The following MAP6 variants were observed in gnomAD, a reference collection of about 807,000 sequenced individuals.
MAP6 encodes the protein microtubule associated protein 6.
Under a neutral mutation model 42.4 loss-of-function variants are expected in MAP6, and 26 were observed. That is an observed-to-expected ratio of 0.61 (90% CI 0.45 to 0.85). MAP6 has a LOEUF of 0.85. MAP6 is among the 40% of genes least tolerant of loss of function. The pLI is 0.00. For missense variants in MAP6, 966 were observed against 1,099.0 expected (o/e 0.88, Z 1.71); for synonymous variants, 418 against 443.8 (o/e 0.94, Z 0.73).
At position 75,667,953 on chromosome 11, in the gene MAP6, C is replaced by T. The variant is rs1357930558; in HGVS notation, c.417G>A (p.Pro139=). 8 of 1,337,496 alleles carry T rather than the reference C, an allele frequency of 6.0e-6. No homozygotes were observed. The Middle Eastern group carries it at 5.8e-4, about 96-fold the overall frequency. 82.9% of individuals were successfully genotyped at this position (1,337,496 alleles called of 1,614,324 possible). A position where few individuals can be genotyped will look rare whatever the true frequency, so the allele number is the denominator to read the frequency against. The part of the protein sequence containing the change: ...KVQRPEPSCR[P]RSEYQPSDAP... ...CGTCGGAGGGCTGGTATTCGCTGCGCGGCCGGCAGCTGGGCTCGGGCCGCT... is the reference window on the plus strand; with the variant it reads ...CGTCGGAGGGCTGGTATTCGCTGCGTGGCCGGCAGCTGGGCTCGGGCCGCT... The change falls in exon 1 of 4, where the codon CCG becomes CCA. Residue 139 remains proline, a synonymous_variant. Transcript: ENST00000304771. This position sits in a 1 kb window ranked among gnomAD's most constrained non-coding sequence, Gnocchi z 5.6.
intron 1 of MAP6, among the ~76,000 whole-genome samples, chr11:75,612,055 G>T (rs1006766042): frequency 2.0e-5 from 3 of 152,258 alleles, no homozygotes; most frequent in African/African-American, 4.8e-5. Context: ...ATGCTGTAGA[G>T]GACTTACATG....
intron 1 of MAP6, among the ~76,000 whole-genome samples, chr11:75,654,254 A>G (rs1943698330): frequency 6.6e-6 from 1 of 152,216 alleles, no homozygotes; most frequent in African/African-American, 2.4e-5. Context: ...ACATCAGAGG[A>G]AAGCAGGAAT....
In MAP6 at chr11:75,608,147, G is replaced by A. The variant is rs148736062; in HGVS notation, c.1081C>T (p.Arg361Cys). ...DNKVIDRRRIRSLYSEPFKEP... is the reference protein window; with the variant it reads ...DNKVIDRRRICSLYSEPFKEP... ...TTGAAGGGTTCGCTGTAGAGGCTGC[G>A]TATTCTTCTGCGATCAATGACCTTA... is the stretch of plus-strand genomic sequence containing the variant. The change falls in exon 2 of 4, where the codon CGC becomes TGC. Residue 361 changes from arginine to cysteine, a missense_variant. Around this residue, in one of 2 missense-constraint regions of MAP6, gnomAD observed 943 missense variants for 1,049.9 expected, o/e 0.90. Coordinates refer to ENST00000304771, the MANE Select transcript of MAP6 (RefSeq NM_033063.2). 9.9e-6 allele frequency: 16 copies of A among 1,613,992 alleles called. No homozygotes were observed. The highest frequency in any genetic ancestry group is 3.3e-5 in the Admixed American group (2 of 60,000).
Position 75,608,217 on chromosome 11 carries a change from A to T in MAP6, c.1011T>A (p.Ser337Arg). Residue 337 changes from serine to arginine, a missense_variant, in exon 2 of 4, where the codon AGT becomes AGA. Physicochemically the swap from Ser to Arg is moderately radical, Grantham distance 110. Coordinates refer to ENST00000304771, the MANE Select transcript of MAP6 (RefSeq NM_033063.2). ...TGCTGGCCTCTCCTTTGAACTGAGC[A>T]CTGTAGCTGGTCTCATGAACCATCT... ...DDKMVHETSYSAQFKGEASKP... is the reference protein window; with the variant it reads ...DDKMVHETSYRAQFKGEASKP... The T allele has an allele frequency of 6.2e-7, 1 of 1,614,156 alleles. No individual in the cohort carries two copies. Among genetic ancestry groups the T allele is most frequent in the Non-Finnish European group, 8.5e-7 (1 of 1,180,012 alleles).
intron 1 of MAP6, among the ~76,000 whole-genome samples, chr11:75,612,074 C>T (rs1033268104): frequency 2.0e-5 from 3 of 152,228 alleles, no homozygotes; most frequent in Admixed American, 6.5e-5. Context: ...TGACACAGAC[C>T]GGGCTAGATG....
chr11:75,640,611 T>C (rs140659680), intron 1 of MAP6, among the ~76,000 whole-genome samples: 2,412 of 152,208 alleles, frequency 0.016, 55 homozygotes, highest in African/African-American at 0.056. Context: ...ATCCAGAATC[T>C]ACAATGAACT....
At chr11:75,661,291 TC>T (rs1943839834) in intron 1 of MAP6, among the ~76,000 whole-genome samples, 1 of 152,090 alleles carries the variant, frequency 6.6e-6, no homozygotes, top group Admixed American at 6.5e-5. Context: ...GAGGAGCCCT[TC>T]TTATATAAAC....
intron 1 of MAP6, among the ~76,000 whole-genome samples, chr11:75,640,523 T>C (rs1943449354): frequency 6.6e-6 from 1 of 152,182 alleles, no homozygotes; most frequent in Non-Finnish European, 1.5e-5. Flanking sequence ...AAATTCCAGG[T>C]TCCTGGGCCC....
intron 1 of MAP6, among the ~76,000 whole-genome samples, chr11:75,661,286 G>T (rs966729386): frequency 6.6e-6 from 1 of 151,996 alleles, no homozygotes; most frequent in African/African-American, 2.4e-5. Flanking sequence ...TTGAGGAGGA[G>T]CCCTTCTTAT....
chr11:75,652,270 T>C (rs1006511662), intron 1 of MAP6, among the ~76,000 whole-genome samples: 4 of 152,152 alleles, frequency 2.6e-5, no homozygotes, highest in African/African-American at 9.7e-5. Flanking sequence ...TGGTCTAGAC[T>C]AAGGCTATAA....
intron 1 of MAP6, among the ~76,000 whole-genome samples, chr11:75,650,171 G>A (rs928401630): frequency 2.0e-5 from 3 of 152,160 alleles, no homozygotes; most frequent in Admixed American, 6.5e-5. Context: ...GTGTGGCACC[G>A]TAGTGCTGGG....
intron 2 of MAP6, chr11:75,607,333 A>G (rs957744425): frequency 3.0e-6 from 3 of 985,336 alleles, no homozygotes; most frequent in Admixed American, 1.2e-4. Context: ...ATTTTCTGCT[A>G]TTATAGAGAG....
intron 3 of MAP6, 74 bp downstream of exon 3, chr11:75,605,734 T>C: frequency 5.7e-6 from 9 of 1,573,454 alleles, no homozygotes; most frequent in Non-Finnish European, 6.9e-6. Flanking sequence ...TTTTTTGGTT[T>C]GTTGGTTTAA....
chr11:75,615,086 A>G (rs745726311), intron 1 of MAP6, among the ~76,000 whole-genome samples: 30 of 152,232 alleles, frequency 2.0e-4, no homozygotes, highest in Non-Finnish European at 2.8e-4. Context: ...GAAGAAAATG[A>G]TGTCTCAGAG....
intron 1 of MAP6, among the ~76,000 whole-genome samples, chr11:75,646,672 C>T (rs1373985095): frequency 1.3e-5 from 2 of 152,040 alleles, no homozygotes; most frequent in Non-Finnish European, 2.9e-5. Flanking sequence ...TGGTGGCACA[C>T]GCCTGTAATC....
chr11:75,662,800 C>T (rs1943876162), intron 1 of MAP6, among the ~76,000 whole-genome samples: 2 of 152,140 alleles, frequency 1.3e-5, no homozygotes, highest in African/African-American at 2.4e-5. Context: ...AGGCAAGGCA[C>T]CTATGCATCA....
chr11:75,630,787 C>G (rs1412383901), intron 1 of MAP6, among the ~76,000 whole-genome samples: 1 of 152,200 alleles, frequency 6.6e-6, no homozygotes, highest in Admixed American at 6.5e-5. Flanking sequence ...GCTTAACTTA[C>G]AAAGGCTCGT....
intron 1 of MAP6, among the ~76,000 whole-genome samples, chr11:75,631,794 T>C (rs1227177377): frequency 6.6e-6 from 1 of 152,230 alleles, no homozygotes; most frequent in African/African-American, 2.4e-5. Context: ...TGAAAAGTGA[T>C]AATTTCTGCT....
At chr11:75,597,760 A>T (rs146106564) in intron 3 of MAP6, among the ~76,000 whole-genome samples, 70 of 152,334 alleles carry the variant, frequency 4.6e-4, no homozygotes, top group African/African-American at 1.6e-3. Context: ...CAGCTGATTT[A>T]TAGGGTGTGC....
Sources: allele counts gnomAD v4.1 joint callset (sites outside exome capture counted in the v4.1 genomes callset), GRCh38; gene constraint gnomAD v4.1.1; regional missense constraint gnomAD v4.1.1; non-coding constraint Gnocchi (gnomAD v3.1); transcripts MANE v1.5; gene names NCBI Gene and HGNC (gene_info 2026-07-23, HGNC 2026-07-21).